The following PPP2R3A variants were observed in gnomAD, a reference collection of about 807,000 sequenced individuals.
PPP2R3A encodes serine/threonine-protein phosphatase 2A regulatory subunit B'' subunit alpha.
A neutral mutation model predicts 106.9 loss-of-function variants in PPP2R3A; 80 were observed. The observed-to-expected ratio is 0.75, with a 90% CI of 0.62 to 0.90. The LOEUF (loss-of-function observed/expected upper bound fraction) is 0.90, where lower values mean the gene tolerates loss of function less well. Among genes scored for constraint, PPP2R3A ranks in the 40% least tolerant of loss-of-function variants. PPP2R3A has a pLI of 0.00. For synonymous variants in PPP2R3A, 483 were observed against 468.3 expected (o/e 1.03, Z -0.41); for missense variants, 1,386 against 1,350.4 (o/e 1.03, Z -0.41).
rs1937125611 is a variant in PPP2R3A, at chr3:136,092,819, A to C, written c.2927+2152A>C. Among the ~76,000 whole-genome samples, 5 of 152,224 alleles carry C rather than the reference A, an allele frequency of 3.3e-5. No homozygotes were observed. In the South Asian group the frequency reaches 1.0e-3, roughly 32 times the overall value. On this transcript the variant is annotated intron_variant, in intron 10 of 13. Transcript: ENST00000264977. ...TAATAAATAGTGCCGGAACAACTGGATATCATACAAAATAATATTAGGTTG... is the reference window on the plus strand; with the variant it reads ...TAATAAATAGTGCCGGAACAACTGGCTATCATACAAAATAATATTAGGTTG...
intron 13 of PPP2R3A, among the ~76,000 whole-genome samples, chr3:136,129,344 G>T (rs183419940): frequency 6.6e-6 from 1 of 152,058 alleles, no homozygotes; most frequent in East Asian, 1.9e-4. Context: ...TATCACCACC[G>T]ATCCCACAGA....
intron 13 of PPP2R3A, among the ~76,000 whole-genome samples, chr3:136,127,154 C>G (rs1938212106): frequency 6.6e-6 from 1 of 152,158 alleles, no homozygotes; most frequent in African/African-American, 2.4e-5. Context: ...CAAAGCTGGA[C>G]AGAGAATGAC....
intron 5 of PPP2R3A, among the ~76,000 whole-genome samples, chr3:136,059,384 G>A (rs890431439): frequency 6.6e-6 from 1 of 151,940 alleles, no homozygotes; most frequent in Non-Finnish European, 1.5e-5. Context: ...AAAAAAACTC[G>A]ACATCACTGA....
chr3:136,082,287 A>G lies in PPP2R3A; in HGVS notation c.2654A>G (p.Glu885Gly), dbSNP rs1433618724. 2 of 1,590,084 alleles carry G rather than the reference A, an allele frequency of 1.3e-6. No homozygotes were observed. The highest frequency in any genetic ancestry group is 1.7e-6 in the Non-Finnish European group (2 of 1,158,466). ...FLQTLALLEEEEDINQITDYF... is the reference protein window; with the variant it reads ...FLQTLALLEEGEDINQITDYF... The stretch of plus-strand genomic sequence containing the variant: ...CAGACCCTAGCACTTTTGGAAGAAG[A>G]GGAAGATATAAACCAAATTACAGAT... Residue 885 changes from glutamate (E) to glycine (G), a missense_variant, in exon 8 of 14, where the codon GAG (glutamate) becomes GGG (glycine). Physicochemically the swap from Glu to Gly is moderately conservative, Grantham distance 98. Transcript: ENST00000264977.
intron 1 of PPP2R3A, among the ~76,000 whole-genome samples, chr3:135,975,992 T>G (rs903363386): frequency 6.6e-6 from 1 of 152,228 alleles, no homozygotes; most frequent in African/African-American, 2.4e-5. Context: ...CTCCTTGTTT[T>G]AATTTTTATT....
chr3:135,998,375 A>G (rs13325914), intron 1 of PPP2R3A, among the ~76,000 whole-genome samples: 36,931 of 152,196 alleles, frequency 0.24, 5,140 homozygotes, highest in Non-Finnish European at 0.32. Context: ...TCACAAGTGA[A>G]CAATGACAAA....
chr3:136,101,368 A>G (rs756672954), intron 10 of PPP2R3A, among the ~76,000 whole-genome samples: 1 of 152,166 alleles, frequency 6.6e-6, no homozygotes, highest in Non-Finnish European at 1.5e-5. Context: ...TTACAGAAGA[A>G]CTAAAGTTCA....
chr3:136,088,931 GGGGTTGT>G (rs1455337174), intron 9 of PPP2R3A, among the ~76,000 whole-genome samples: 87 of 152,204 alleles, frequency 5.7e-4, no homozygotes, highest in African/African-American at 1.9e-3. Flanking sequence ...ATTTTTAAAT[GGGGTTGT>G]TTTTTGCTTG....
At chr3:136,055,778 A>G in intron 5 of PPP2R3A, 1 of 612,246 alleles carries the variant, frequency 1.6e-6, no homozygotes, top group Admixed American at 2.7e-5. Flanking sequence ...TTTTAAAAAC[A>G]AATTGCACAT....
At position 135,986,688 on chromosome 3, in the gene PPP2R3A, C is replaced by T. The variant is rs189848138; in HGVS notation, c.-440-14371C>T. The stretch of plus-strand genomic sequence containing the variant: ...TTTATCACCACAGCTACCCACTACC[C>T]GCAGTAGTATCCATATACTCTGCTT... On this transcript the variant is annotated intron_variant, in intron 1 of 13. Transcript: ENST00000264977. Among the ~76,000 whole-genome samples the T allele has an allele frequency of 9.9e-5, 15 of 152,188 alleles. No homozygotes were observed. The East Asian group carries it at 1.5e-3, about 16-fold the overall frequency.
At chr3:136,111,498 A>G (rs891809475) in intron 13 of PPP2R3A, among the ~76,000 whole-genome samples, 10 of 152,176 alleles carry the variant, frequency 6.6e-5, no homozygotes, top group African/African-American at 2.4e-4. Flanking sequence ...ACTCCGCTCA[A>G]AGTAGCAATA....
chr3:136,053,772 C>T (rs1175262836), intron 5 of PPP2R3A, among the ~76,000 whole-genome samples: 3 of 152,168 alleles, frequency 2.0e-5, no homozygotes, highest in Non-Finnish European at 4.4e-5. Context: ...TCAATCAACA[C>T]ACCCACCCTA....
Position 136,049,279 on chromosome 3 carries a change from A to T in PPP2R3A, c.2387A>T (p.Asp796Val). The change falls in exon 5 of 14, where the codon GAT becomes GTT. Residue 796 changes from aspartate to valine, a missense_variant. By Grantham distance (152) the Asp-to-Val change is radical. Coordinates refer to ENST00000264977, the MANE Select transcript of PPP2R3A (RefSeq NM_002718.5). Reference protein sequence around the residue: ...MWRKLLNNHHDDASKFICLLA... With the variant: ...MWRKLLNNHHVDASKFICLLA... ...TATAGGTTGCTGAATAACCATCATG[A>T]TGATGCCTCTAAATTCATCTGTCTT... 6.2e-7 allele frequency: 1 copy of T among 1,613,378 alleles called. No individual in the cohort carries two copies. Among genetic ancestry groups the T allele is most frequent in the Middle Eastern group, 1.7e-4 (1 of 6,060 alleles).
intron 4 of PPP2R3A, among the ~76,000 whole-genome samples, chr3:136,045,273 C>G (rs930476434): frequency 2.6e-5 from 4 of 152,198 alleles, no homozygotes; most frequent in Non-Finnish European, 5.9e-5. Flanking sequence ...CACCTTGGCT[C>G]ACCCAGCACA....
At chr3:136,087,272 TC>T (rs1936970302) in intron 8 of PPP2R3A, among the ~76,000 whole-genome samples, 2 of 148,652 alleles carry the variant, frequency 1.3e-5, no homozygotes, top group Non-Finnish European at 3.0e-5. Context: ...TCTCTCTCTC[TC>T]TCTCTCTCTC....
At position 136,001,447 on chromosome 3, in the gene PPP2R3A, T is replaced by C; in HGVS notation, c.-52T>C. 6.9e-7 allele frequency: 1 copy of C among 1,446,142 alleles called. No individual in the cohort carries two copies. Among genetic ancestry groups the C allele is most frequent in the African/African-American group, 1.4e-5 (1 of 70,608 alleles). The allele number at this position is 1,446,142 out of a possible 1,614,324, so 89.6% of individuals were successfully genotyped here. A position where few individuals can be genotyped will look rare whatever the true frequency, so the allele number is the denominator to read the frequency against. ...TAACTGTCATTTAGGAGAATTTTCA[T>C]GAAACAAGTTCTAGAAAGTTCCAAG... On this transcript the variant is annotated 5_prime_UTR_variant, in exon 2 of 14. The change abolishes an upstream ATG in the 5' untranslated region. Coordinates refer to ENST00000264977, the MANE Select transcript of PPP2R3A (RefSeq NM_002718.5).
At chr3:136,059,409 C>T (rs1482089624) in intron 5 of PPP2R3A, among the ~76,000 whole-genome samples, 1 of 151,996 alleles carries the variant, frequency 6.6e-6, no homozygotes, top group Non-Finnish European at 1.5e-5. Context: ...TAGAGAAATG[C>T]AAGTCAAAAT....
At chr3:136,000,995 G>C (rs1933603333) in intron 1 of PPP2R3A, 64 bp from the exon 2 acceptor site, 1 of 394,176 alleles carries the variant, frequency 2.5e-6, no homozygotes, top group South Asian at 1.3e-4. Context: ...GGGATGCAAA[G>C]AAAGAGGAAA....
At chr3:136,086,755 A>G (rs1449048799) in intron 8 of PPP2R3A, among the ~76,000 whole-genome samples, 1 of 152,188 alleles carries the variant, frequency 6.6e-6, no homozygotes, top group Non-Finnish European at 1.5e-5. Flanking sequence ...TCCAATACAC[A>G]TATTCCCAAC....
Sources: allele counts gnomAD v4.1 joint callset (sites outside exome capture counted in the v4.1 genomes callset), GRCh38; gene constraint gnomAD v4.1.1; transcripts MANE v1.5; gene names NCBI Gene and HGNC (gene_info 2026-07-23, HGNC 2026-07-21).